The following IL1RAPL1 variants were observed in gnomAD, a reference collection of about 807,000 sequenced individuals.
The protein encoded by IL1RAPL1 is interleukin-1 receptor accessory protein-like 1.
A neutral mutation model predicts 48.4 loss-of-function variants in IL1RAPL1; 3 were observed. That is an observed-to-expected ratio of 0.06 (90% CI 0.03 to 0.16). IL1RAPL1 has a LOEUF of 0.16. Ranked by LOEUF, IL1RAPL1 falls within the 10% of genes least tolerant of loss-of-function variation. The pLI is 1.00. For synonymous variants in IL1RAPL1, 185 were observed against 187.7 expected (o/e 0.99, Z 0.12); for missense variants, 349 against 530.6 (o/e 0.66, Z 3.36).
intron 6 of IL1RAPL1, among the ~76,000 whole-genome samples, chrX:29,807,621 C>CAAAA (rs60391165): frequency 0.01 from 270 of 26,020 alleles, 52 homozygotes; most frequent in Non-Finnish European, 0.013. Context: ...TCTCTCAAGA[C>CAAAA]AAAAAAAAAA....
intron 5 of IL1RAPL1, among the ~76,000 whole-genome samples, chrX:29,609,982 GA>G (rs1434965985): frequency 9.0e-6 from 1 of 111,188 alleles, no homozygotes; most frequent in Non-Finnish European, 1.9e-5. Flanking sequence ...TTAATTTGAA[GA>G]GAGAGTGATT....
Position 28,631,894 on chromosome X carries a change from C to G in IL1RAPL1, c.-25+43847C>G, listed in dbSNP as rs139796280. Among the ~76,000 whole-genome samples, 878 of 112,214 alleles carry G rather than the reference C, an allele frequency of 7.8e-3. 9 individuals are homozygous for G. The highest frequency in any genetic ancestry group is 0.027 in the African/African-American group (832 of 30,942). On this transcript the variant is annotated intron_variant, in intron 1 of 10. Coordinates refer to ENST00000378993, the MANE Select transcript of IL1RAPL1 (RefSeq NM_014271.4). ...TCAAGAGCCTGTGCTCAAAAGACTC[C>G]GATTTAATATTGGCAAGACTCATGA...
At chrX:29,799,165 G>C (rs1399167303) in intron 6 of IL1RAPL1, among the ~76,000 whole-genome samples, 6 of 112,060 alleles carry the variant, frequency 5.4e-5, no homozygotes, top group South Asian at 3.6e-4. Context: ...TTATTTAATA[G>C]AACAATTAAA....
At chrX:29,546,036 G>A (rs931551295) in intron 5 of IL1RAPL1, among the ~76,000 whole-genome samples, 5 of 111,330 alleles carry the variant, frequency 4.5e-5, no homozygotes, top group African/African-American at 1.6e-4. Context: ...TGACATCTTC[G>A]GGGAGGATGC....
rs1934776167 is a variant in IL1RAPL1 at position 28,658,453 on chromosome X, A to G, written c.-25+70406A>G. On this transcript the variant is annotated intron_variant, in intron 1 of 10. Coordinates refer to ENST00000378993, the MANE Select transcript of IL1RAPL1 (RefSeq NM_014271.4). ...GCTGGTCTTAAACTCCTGACCTCAAATGATCCGCCTGCCTTGGCCTCCCAA... is the reference window on the plus strand; with the variant it reads ...GCTGGTCTTAAACTCCTGACCTCAAGTGATCCGCCTGCCTTGGCCTCCCAA... Among the ~76,000 whole-genome samples, 3 of 111,267 alleles carry G rather than the reference A, an allele frequency of 2.7e-5. No individual in the cohort carries two copies. The Admixed American group carries it at 2.9e-4, about 11-fold the overall frequency.
intron 2 of IL1RAPL1, among the ~76,000 whole-genome samples, chrX:28,814,620 T>C (rs185277446): frequency 1.8e-5 from 2 of 110,779 alleles, no homozygotes; most frequent in African/African-American, 6.5e-5. Context: ...TTGATTGTCT[T>C]AATCCATTCT....
At chrX:28,644,615 G>A (rs1934587090) in intron 1 of IL1RAPL1, among the ~76,000 whole-genome samples, 1 of 111,143 alleles carries the variant, frequency 9.0e-6, no homozygotes, top group South Asian at 3.8e-4. Flanking sequence ...ACAGAGGCTT[G>A]TCAGCCTGCA....
intron 6 of IL1RAPL1, among the ~76,000 whole-genome samples, chrX:29,772,947 T>C (rs962296390): frequency 2.4e-4 from 26 of 109,397 alleles, no homozygotes; most frequent in African/African-American, 8.0e-4. Flanking sequence ...GCCACCTATA[T>C]AATGATCATT....
intron 5 of IL1RAPL1, among the ~76,000 whole-genome samples, chrX:29,643,217 C>G (rs1481011387): frequency 8.9e-6 from 1 of 111,875 alleles, no homozygotes; most frequent in African/African-American, 3.2e-5. Flanking sequence ...GCTTCAAAGT[C>G]ACACTTGTAT....
intron 2 of IL1RAPL1, among the ~76,000 whole-genome samples, chrX:29,230,522 A>AAACAAAAAC (rs1569265292): frequency 2.2e-5 from 2 of 90,826 alleles, no homozygotes; most frequent in African/African-American, 8.5e-5. Context: ...AAAAAAAAAA[A>AAACAAAAAC]AAAAAAAAAA....
At chrX:29,740,023 A>G (rs1290613460) in intron 6 of IL1RAPL1, among the ~76,000 whole-genome samples, 1 of 107,007 alleles carries the variant, frequency 9.3e-6, no homozygotes, top group African/African-American at 3.4e-5. Context: ...TCGCGCCATT[A>G]CACTCCAGGT....
intron 6 of IL1RAPL1, among the ~76,000 whole-genome samples, chrX:29,766,341 AAAT>A (rs201592167): frequency 0.19 from 13,657 of 73,377 alleles, 1,203 homozygotes; most frequent in Admixed American, 0.29. Flanking sequence ...AAAAAAAAAA[AAAT>A]ATATATATAT....
rs1246900800 is a variant in IL1RAPL1, at chrX:29,837,298, T to C, written c.779-80166T>C. Among the ~76,000 whole-genome samples, 626 of 70,112 alleles carry C rather than the reference T, an allele frequency of 8.9e-3. 21 individuals carry two copies. Among genetic ancestry groups the C allele is most frequent in the African/African-American group, 0.042 (596 of 14,095 alleles). The allele number at this position is 70,112 out of a possible 115,157, so 60.9% of individuals were successfully genotyped here. A position where few individuals can be genotyped will look rare whatever the true frequency, so the allele number is the denominator to read the frequency against. On this transcript the variant is annotated intron_variant, in intron 6 of 10. Coordinates refer to ENST00000378993, the MANE Select transcript of IL1RAPL1 (RefSeq NM_014271.4). Reference sequence around the variant, plus strand: ...ATATATATATATATATATATATATATATACACACACACACACACACACATA... The same window carrying C: ...ATATATATATATATATATATATATACATACACACACACACACACACACATA...
rs1394251098 is a variant in IL1RAPL1, at chrX:29,217,774, CT to C, written c.83-65163del. ...ACATTTTTTCTCTCTCTCTCTCTCT[CT>C]CTCACACACACACACACACACACAC... is the stretch of plus-strand genomic sequence containing the variant. On this transcript the variant is annotated intron_variant, in intron 2 of 10. Coordinates refer to ENST00000378993, the MANE Select transcript of IL1RAPL1 (RefSeq NM_014271.4). Among the ~76,000 whole-genome samples, 8 of 59,846 alleles carry C rather than the reference CT, an allele frequency of 1.3e-4. No homozygotes were observed. The East Asian group carries it at 6.4e-3, about 48-fold the overall frequency. The allele number at this position is 59,846 out of a possible 115,157, so 52.0% of individuals were successfully genotyped here.
At chrX:29,661,378 G>A (rs1332491981) in intron 5 of IL1RAPL1, among the ~76,000 whole-genome samples, 4 of 112,221 alleles carry the variant, frequency 3.6e-5, no homozygotes, top group Non-Finnish European at 7.5e-5. Context: ...TGGTAAAAGT[G>A]GACATCTTTG....
chrX:28,853,484 T>C (rs34314818), intron 2 of IL1RAPL1, among the ~76,000 whole-genome samples: 55,468 of 103,749 alleles, frequency 0.53, 11,871 homozygotes, highest in African/African-American at 0.83. Context: ...AGTGCATGTG[T>C]GTGCGCGCGC....
chrX:29,339,133 A>G (rs1183710407), intron 3 of IL1RAPL1, among the ~76,000 whole-genome samples: 1 of 107,281 alleles, frequency 9.3e-6, no homozygotes, highest in Non-Finnish European at 1.9e-5. Context: ...CAAATATCAC[A>G]TGTTACTATG....
intron 1 of IL1RAPL1, among the ~76,000 whole-genome samples, chrX:28,710,678 A>G (rs1214769226): frequency 4.5e-5 from 5 of 111,855 alleles, no homozygotes; most frequent in Non-Finnish European, 9.4e-5. Flanking sequence ...GCTACTTTGA[A>G]AAAATGGAAT....
At chrX:29,354,255 C>T (rs774661054) in intron 3 of IL1RAPL1, among the ~76,000 whole-genome samples, 1 of 111,000 alleles carries the variant, frequency 9.0e-6, no homozygotes, top group African/African-American at 3.3e-5. Context: ...TACAATGCTA[C>T]ACTTATTTGG....
Sources: allele counts gnomAD v4.1 joint callset (sites outside exome capture counted in the v4.1 genomes callset), GRCh38; gene constraint gnomAD v4.1.1; transcripts MANE v1.5; gene names NCBI Gene and HGNC (gene_info 2026-07-23, HGNC 2026-07-21).